LAMC1: variants seen among roughly 807,000 people sequenced by gnomAD.
LAMC1 encodes laminin subunit gamma 1.
LAMC1 carries 38 observed loss-of-function variants against 173.6 expected under a neutral mutation model. The observed-to-expected ratio is 0.22, with a 90% CI of 0.17 to 0.29. The LOEUF is 0.29. Ranked by LOEUF, LAMC1 falls within the 10% of genes least tolerant of loss-of-function variation. LAMC1 has a pLI of 1.00. For missense variants in LAMC1, 1,824 were observed against 2,051.8 expected (o/e 0.89, Z 2.14); for synonymous variants, 746 against 749.1 (o/e 1.00, Z 0.07).
chr1:183,120,201 TG>T (rs1341071043), intron 11 of LAMC1, among the ~76,000 whole-genome samples: 1 of 92,312 alleles, frequency 1.1e-5, no homozygotes, highest in Non-Finnish European at 2.3e-5. Context: ...GGTGGCGGGG[TG>T]GTGTTGAAAC....
intron 1 of LAMC1, among the ~76,000 whole-genome samples, chr1:183,093,784 T>C (rs75431695): frequency 0.027 from 4,136 of 152,280 alleles, 212 homozygotes; most frequent in African/African-American, 0.095. Context: ...TCCAGTTGTA[T>C]AAGCCAAAGC....
chr1:183,122,024 G>A (rs781156580), intron 12 of LAMC1, 39 bp from the exon 13 acceptor site: 22 of 1,609,226 alleles, frequency 1.4e-5, no homozygotes, highest in Non-Finnish European at 1.8e-5. Context: ...TTATATACTT[G>A]TACATTTGCC....
chr1:183,037,067 C>T (rs2102011810), intron 1 of LAMC1, among the ~76,000 whole-genome samples: 1 of 152,348 alleles, frequency 6.6e-6, no homozygotes, highest in South Asian at 2.1e-4. Context: ...TGAGCCACCG[C>T]ACCTGGCCCC....
chr1:183,062,544 C>T (rs979356878), intron 1 of LAMC1, among the ~76,000 whole-genome samples: 36 of 152,108 alleles, frequency 2.4e-4, no homozygotes, highest in African/African-American at 7.0e-4. Context: ...CTCAGCTACT[C>T]GGGAGGCTGT....
intron 1 of LAMC1, among the ~76,000 whole-genome samples, chr1:183,069,446 T>G (rs1165166382): frequency 1.3e-5 from 2 of 152,182 alleles, no homozygotes; most frequent in Non-Finnish European, 2.9e-5. Context: ...CCAGGAAAGG[T>G]AAAAGTTAAG....
chr1:183,073,713 T>C (rs76644308), intron 1 of LAMC1, among the ~76,000 whole-genome samples: 40 of 152,272 alleles, frequency 2.6e-4, no homozygotes, highest in Non-Finnish European at 5.1e-4. Context: ...TGTATGTCTG[T>C]TTTAAAATAC....
In LAMC1 at chr1:183,130,686, G is replaced by A. The variant is rs6691755; in HGVS notation, c.3486+137G>A. ...TTTATTTGTCCCTAAATATGGGGCA[G>A]AAAAGCCACATTGCTCATAGTTGGC... On this transcript the variant is annotated intron_variant, in intron 19 of 27. Transcript: ENST00000258341. 369,474 of 660,850 alleles carry A rather than the reference G, an allele frequency of 0.56. 105,456 individuals are homozygous for A. Among genetic ancestry groups the A allele is most frequent in the South Asian group, 0.65 (33,914 of 52,170 alleles). 40.9% of individuals were successfully genotyped at this position (660,850 alleles called of 1,614,324 possible).
At chr1:183,071,894 A>AT (rs1160112155) in intron 1 of LAMC1, among the ~76,000 whole-genome samples, 2 of 152,228 alleles carry the variant, frequency 1.3e-5, no homozygotes, top group Non-Finnish European at 2.9e-5. Flanking sequence ...GTTGACGAAA[A>AT]TGTTGAGACC....
chr1:183,045,960 A>T (rs1434157526), intron 1 of LAMC1, among the ~76,000 whole-genome samples: 9 of 151,814 alleles, frequency 5.9e-5, no homozygotes, highest in Admixed American at 5.9e-4. Context: ...TCTTTCCCTT[A>T]TTGATTTGTA....
At chr1:183,033,250 T>A (rs1165020116) in intron 1 of LAMC1, among the ~76,000 whole-genome samples, 6 of 152,202 alleles carry the variant, frequency 3.9e-5, no homozygotes, top group African/African-American at 1.2e-4. Context: ...TGGCTGGTTT[T>A]AATTGAGTTA....
At chr1:183,126,859 G>A (rs113459822) in intron 16 of LAMC1, among the ~76,000 whole-genome samples, 4,126 of 152,302 alleles carry the variant, frequency 0.027, 210 homozygotes, top group African/African-American at 0.095. Flanking sequence ...TGCAAAAGAA[G>A]CATTAGCATT....
chr1:183,124,134 C>G (rs1656554987), intron 13 of LAMC1, among the ~76,000 whole-genome samples: 1 of 152,326 alleles, frequency 6.6e-6, no homozygotes, highest in South Asian at 2.1e-4. Flanking sequence ...TCTCTTCTAA[C>G]ATGCCCTGAT....
Position 183,115,281 on chromosome 1 carries a change from T to G in LAMC1, c.1211-239T>G, listed in dbSNP as rs561738211. 1.6e-4 allele frequency among the ~76,000 whole-genome samples: 25 copies of G among 152,334 alleles called. No individual in the cohort carries two copies. In the East Asian group the frequency reaches 4.4e-3, roughly 27 times the overall value. On this transcript the variant is annotated intron_variant, in intron 5 of 27. Transcript: ENST00000258341. The stretch of plus-strand genomic sequence containing the variant: ...TTGGGTACAAAGTGATTTTCAACAT[T>G]GATGAGTAAATTCATCTTAGCATGT...
intron 17 of LAMC1, 25 bp from the exon 18 acceptor site, chr1:183,128,569 C>T: frequency 3.1e-6 from 5 of 1,591,944 alleles, no homozygotes; most frequent in Non-Finnish European, 4.3e-6. Context: ...CCTACCTTTC[C>T]CTTTTCTTTC....
chr1:183,046,822 A>G (rs1028604645), intron 1 of LAMC1, among the ~76,000 whole-genome samples: 4 of 152,124 alleles, frequency 2.6e-5, no homozygotes, highest in Admixed American at 2.0e-4. Flanking sequence ...TATACAGAAT[A>G]CATTTAAAAA....
chr1:183,124,766 C>T lies in LAMC1; in HGVS notation c.2537C>T (p.Thr846Met), dbSNP rs777513518. The stretch of plus-strand genomic sequence containing the variant: ...GCAGTTGGAAATTGCAATCGCTTGA[C>T]GGGAGAATGCCTGAAGTGCATCTAT... ...PNAVGNCNRL[T>M]GECLKCIYNT... is the part of the protein sequence containing the mutation. Residue 846 changes from threonine (T) to methionine (M), a missense_variant, in exon 14 of 28, where the codon ACG (threonine) becomes ATG (methionine). By Grantham distance (81) the Thr-to-Met change is moderately conservative (BLOSUM62 -1). Transcript: ENST00000258341. 6 of 1,614,040 alleles carry T rather than the reference C, an allele frequency of 3.7e-6. No homozygotes were observed. The East Asian group carries it at 6.7e-5, about 18-fold the overall frequency.
At chr1:183,129,145 G>A (rs10737243) in intron 18 of LAMC1, among the ~76,000 whole-genome samples, 75,876 of 146,160 alleles carry the variant, frequency 0.52, 20,419 homozygotes, top group South Asian at 0.65. Context: ...GAGTGCAGTG[G>A]CGCGATCTTG....
At chr1:183,028,266 C>T (rs2102004611) in intron 1 of LAMC1, among the ~76,000 whole-genome samples, 1 of 152,074 alleles carries the variant, frequency 6.6e-6, no homozygotes, top group East Asian at 1.9e-4. Context: ...TTGCTATGCA[C>T]TCCTTCCTCC....
intron 1 of LAMC1, among the ~76,000 whole-genome samples, chr1:183,047,867 A>G (rs1482357809): frequency 6.6e-6 from 1 of 152,224 alleles, no homozygotes; most frequent in Non-Finnish European, 1.5e-5. Flanking sequence ...GTCTTTACAC[A>G]TAAACAGTTT....
Sources: allele counts gnomAD v4.1 joint callset (sites outside exome capture counted in the v4.1 genomes callset), GRCh38; gene constraint gnomAD v4.1.1; transcripts MANE v1.5; gene names NCBI Gene and HGNC (gene_info 2026-07-23, HGNC 2026-07-21).